Variants in TRAF3IP3 observed in about 807,000 individuals in gnomAD.
TRAF3IP3 encodes the protein TRAF3-interacting JNK-activating modulator.
A neutral mutation model predicts 86.5 loss-of-function variants in TRAF3IP3; 64 were observed. The observed-to-expected ratio is 0.74, with a 90% CI of 0.60 to 0.91. TRAF3IP3 has a LOEUF of 0.91. Among genes scored for constraint, TRAF3IP3 ranks in the 40% least tolerant of loss-of-function variants. The probability of loss-of-function intolerance (pLI) is 0.00; values close to 1 mark genes in which losing one functional copy is unlikely to be tolerated. For synonymous variants in TRAF3IP3, 220 were observed against 243.9 expected (o/e 0.90, Z 0.91); for missense variants, 579 against 642.9 (o/e 0.90, Z 1.07).
chr1:209,781,856 G>A (rs921600123), intron 16 of TRAF3IP3, 200 bp from the exon 17 acceptor site: 28 of 574,658 alleles, frequency 4.9e-5, no homozygotes, highest in Admixed American at 2.4e-4. Flanking sequence ...TGATGGATAC[G>A]GCTCCCTGGG....
chr1:209,778,226 G>A (rs1044657217), intron 13 of TRAF3IP3, 53 bp downstream of exon 13: 2 of 1,523,688 alleles, frequency 1.3e-6, no homozygotes, highest in Admixed American at 1.7e-5. Context: ...TGGGGTCCTG[G>A]CCCACAAAAG....
rs763852093 is a variant in TRAF3IP3, at chr1:209,763,624, C to T, written c.702+37C>T. 12 of 1,463,440 alleles carry T rather than the reference C, an allele frequency of 8.2e-6. No individual in the cohort carries two copies. In the South Asian group the frequency reaches 1.4e-4, roughly 17 times the overall value. The allele number at this position is 1,463,440 out of a possible 1,614,324, so 90.7% of individuals were successfully genotyped here. On this transcript the variant is annotated intron_variant, in intron 8 of 16. Transcript: ENST00000367025. ...AAATTCTTTTTGAACAAAGCTTGGG[C>T]TTCTATGTGTTCCCATCTCATTTTT...
rs746373685 is a variant in TRAF3IP3 at position 209,777,446 on chromosome 1, G to C, written c.1148G>C (p.Gly383Ala). The C allele has an allele frequency of 2.5e-6, 4 of 1,614,072 alleles. No individual in the cohort carries two copies. Among genetic ancestry groups the C allele is most frequent in the Admixed American group, 3.3e-5 (2 of 60,016 alleles). ...QLQAKIECLQ[G>A]DRDLCSLDTQ... ...CAGGCCAAGATTGAATGCCTGCAAG[G>C]GGACAGAGACCTGTGCAGCTTGGAT... Residue 383 changes from glycine (G) to alanine (A), a missense_variant, in exon 12 of 17, where the codon GGG (glycine) becomes GCG (alanine). Transcript: ENST00000367025.
At position 209,760,344 on chromosome 1, in the gene TRAF3IP3, C is replaced by G; in HGVS notation, c.305C>G (p.Pro102Arg). ...GGACAGGTGACTGTCCTCAAGGAAC[C>G]CTTGTCTTGTGCCAGAAGGATTTCT... is the stretch of plus-strand genomic sequence containing the variant. ...RPGQVTVLKE[P>R]LSCARRISSP... Residue 102 changes from proline (P) to arginine (R), a missense_variant, in exon 3 of 17, where the codon CCC becomes CGC. Physicochemically the swap from Pro to Arg is moderately radical, Grantham distance 103 (BLOSUM62 -2). Transcript: ENST00000367025. The G allele has an allele frequency of 6.2e-7, 1 of 1,611,902 alleles. No homozygotes were observed. The highest frequency in any genetic ancestry group is 8.5e-7 in the Non-Finnish European group (1 of 1,179,054).
At chr1:209,771,274 T>A (rs1187440450) in intron 8 of TRAF3IP3, among the ~76,000 whole-genome samples, 5 of 144,014 alleles carry the variant, frequency 3.5e-5, no homozygotes, top group Non-Finnish European at 7.5e-5. Context: ...TACGGAGGTG[T>A]GCATCTGCAT....
At chr1:209,762,976 AC>A (rs1259128541) in intron 5 of TRAF3IP3, 91 bp from the exon 6 acceptor site, 4 of 1,591,444 alleles carry the variant, frequency 2.5e-6, no homozygotes, top group Non-Finnish European at 3.4e-6. Context: ...GCCCTTCCCC[AC>A]CCTACTGGCT....
At chr1:209,780,657 A>G (rs914029328) in intron 15 of TRAF3IP3, 51 bp downstream of exon 15, 21 of 1,452,820 alleles carry the variant, frequency 1.4e-5, no homozygotes, top group Non-Finnish European at 1.9e-5. Context: ...ATAGCAGAGA[A>G]ACCTGGGAGG....
chr1:209,765,435 G>A (rs1282228974), intron 8 of TRAF3IP3, among the ~76,000 whole-genome samples: 2 of 152,136 alleles, frequency 1.3e-5, no homozygotes, highest in South Asian at 2.1e-4. Context: ...GGAGGCCAAG[G>A]CAGGTGGATC....
chr1:209,770,511 ATG>A (rs1259435390), intron 8 of TRAF3IP3, among the ~76,000 whole-genome samples: 1 of 71,326 alleles, frequency 1.4e-5, no homozygotes, highest in Non-Finnish European at 2.8e-5. Context: ...ATGTGAAAGT[ATG>A]TGTGTGCAGG....
chr1:209,777,306 C>G, intron 11 of TRAF3IP3, 46 bp from the exon 12 acceptor site: 1 of 1,572,248 alleles, frequency 6.4e-7, no homozygotes, highest in Non-Finnish European at 8.7e-7. Flanking sequence ...CAACCTCCAC[C>G]CCAACACTGA....
intron 14 of TRAF3IP3, 125 bp from the exon 15 acceptor site, chr1:209,780,345 A>T: frequency 1.2e-6 from 1 of 801,328 alleles, no homozygotes; most frequent in East Asian, 3.0e-5. Context: ...GAATGCCATC[A>T]GTCTAGCCAA....
At chr1:209,778,240 C>A in intron 13 of TRAF3IP3, 67 bp downstream of exon 13, 1 of 1,372,126 alleles carries the variant, frequency 7.3e-7, no homozygotes, top group Non-Finnish European at 1.0e-6. Flanking sequence ...ACAAAAGGCA[C>A]CCAGAGTAGG....
rs754622237 is a variant in TRAF3IP3, at chr1:209,762,527, A to G, written c.358A>G (p.Ser120Gly). 11 of 1,452,664 alleles carry G rather than the reference A, an allele frequency of 7.6e-6. No homozygotes were observed. The South Asian group carries it at 1.3e-4, about 17-fold the overall frequency. The allele number at this position is 1,452,664 out of a possible 1,614,324, so 90.0% of individuals were successfully genotyped here. ...ACTTGCCTTCCAGGTGACAGGCACCAGCTCTGAAGTCTTTCCAGCCCAGCA... is the reference window on the plus strand; with the variant it reads ...ACTTGCCTTCCAGGTGACAGGCACCGGCTCTGAAGTCTTTCCAGCCCAGCA... ...SSPREQVTGT[S>G]SEVFPAQHPP... The change falls in exon 4 of 17, where the codon AGC becomes GGC. Residue 120 changes from serine to glycine, a missense_variant. Transcript: ENST00000367025.
At chr1:209,777,773 G>T (rs946350195) in intron 12 of TRAF3IP3, 50 of 507,056 alleles carry the variant, frequency 9.9e-5, no homozygotes, top group African/African-American at 9.7e-4. Flanking sequence ...AGTCACATAT[G>T]TCAAGGCCAC....
chr1:209,765,337 G>C (rs1038074681), intron 8 of TRAF3IP3, among the ~76,000 whole-genome samples: 1 of 152,018 alleles, frequency 6.6e-6, no homozygotes, highest in African/African-American at 2.4e-5. Context: ...AAAATAATGA[G>C]AGTAAAATTT....
intron 8 of TRAF3IP3, among the ~76,000 whole-genome samples, chr1:209,771,330 G>GGTAC: frequency 7.1e-6 from 1 of 139,954 alleles, no homozygotes; most frequent in Non-Finnish European, 1.5e-5. Context: ...TGCATGTGGA[G>GGTAC]GTGTATCTGT....
intron 8 of TRAF3IP3, among the ~76,000 whole-genome samples, chr1:209,767,541 T>C (rs190298390): frequency 9.2e-5 from 14 of 152,044 alleles, no homozygotes; most frequent in African/African-American, 3.4e-4. Context: ...AATAAAAAAA[T>C]TAGCCATGCA....
intron 1 of TRAF3IP3, among the ~76,000 whole-genome samples, chr1:209,757,537 T>C (rs904194375): frequency 7.9e-5 from 12 of 152,116 alleles, no homozygotes; most frequent in African/African-American, 2.9e-4. Context: ...CCTTTCTCCT[T>C]ATAGCCCAAA....
chr1:209,769,114 A>C (rs2077414328), intron 8 of TRAF3IP3, among the ~76,000 whole-genome samples: 1 of 152,218 alleles, frequency 6.6e-6, no homozygotes, highest in African/African-American at 2.4e-5. Context: ...AGGGTAGGAG[A>C]CTGGGAAAAT....
Sources: allele counts gnomAD v4.1 joint callset (sites outside exome capture counted in the v4.1 genomes callset), GRCh38; gene constraint gnomAD v4.1.1; transcripts MANE v1.5; gene names NCBI Gene and HGNC (gene_info 2026-07-23, HGNC 2026-07-21).